The following PTPRU variants were observed in gnomAD, a reference collection of about 807,000 sequenced individuals.
PTPRU encodes the protein protein tyrosine phosphatase receptor type U.
A neutral mutation model predicts 166.3 loss-of-function variants in PTPRU; 69 were observed. That is an observed-to-expected ratio of 0.41 (90% CI 0.34 to 0.51). The LOEUF (loss-of-function observed/expected upper bound fraction) is 0.51, where lower values mean the gene tolerates loss of function less well. Ranked by LOEUF, PTPRU falls within the 20% of genes least tolerant of loss-of-function variation. The probability of loss-of-function intolerance (pLI) is 0.09; values close to 1 mark genes in which losing one functional copy is unlikely to be tolerated. For synonymous variants in PTPRU, 793 were observed against 814.0 expected, an observed-to-expected ratio of 0.97 and a Z score of 0.44; for missense variants, 1,657 against 2,013.7, an observed-to-expected ratio of 0.82 and a Z score of 3.39.
intron 17 of PTPRU, among the ~76,000 whole-genome samples, chr1:29,305,108 T>C (rs1309759933): frequency 6.6e-6 from 1 of 152,168 alleles, no homozygotes; most frequent in Non-Finnish European, 1.5e-5. Flanking sequence ...CTGCTTAAGG[T>C]CTCAGAGCCA....
At chr1:29,245,513 G>C (rs907872141) in intron 1 of PTPRU, among the ~76,000 whole-genome samples, 6 of 152,170 alleles carry the variant, frequency 3.9e-5, no homozygotes, top group African/African-American at 1.4e-4. Flanking sequence ...GATGTGCACT[G>C]TCTGGGATTC....
At chr1:29,261,168 G>T (rs568772181) in intron 7 of PTPRU, among the ~76,000 whole-genome samples, 1 of 152,220 alleles carries the variant, frequency 6.6e-6, no homozygotes, top group South Asian at 2.1e-4. Context: ...TGCTCTTGTC[G>T]TACCCATTTT....
Position 29,279,515 on chromosome 1 carries a change from T to C in PTPRU, c.1623T>C (p.Arg541=). ...DPAVNVPGPR[R]TISKLRNETY... ...CAGTGAACGTGCCAGGCCCACGACG[T>C]ACCATCTCCAAGCTCCGCAATGAGA... Residue 541 remains arginine (R), a synonymous_variant, in exon 10 of 30, where the codon CGT becomes CGC. Transcript: ENST00000373779. The surrounding 1 kb of genome is among the most constrained non-coding windows in gnomAD (Gnocchi z 5.2). 6.2e-7 allele frequency: 1 copy of C among 1,614,150 alleles called. No individual in the cohort carries two copies. The highest frequency in any genetic ancestry group is 1.1e-5 in the South Asian group (1 of 91,086).
Position 29,315,359 on chromosome 1 carries a change from G to GCT in PTPRU, c.3228-5_3228-4dup, listed in dbSNP as rs1557483067. On this transcript the variant is annotated splice_polypyrimidine_tract_variant and intron_variant, in intron 22 of 29. Transcript: ENST00000373779. The surrounding 1 kb of genome is among the most constrained non-coding windows in gnomAD (Gnocchi z 4.5). ...CAAAGCTCTGACCTGGTCTGGGGCTGCTCTCTCTCCAGCGCGGGCACCGGC... is the reference window on the plus strand; with the variant it reads ...CAAAGCTCTGACCTGGTCTGGGGCTGCTCTCTCTCTCCAGCGCGGGCACCGGC... 1.2e-6 allele frequency: 2 copies of GCT among 1,613,800 alleles called. No individual in the cohort carries two copies. The highest frequency in any genetic ancestry group is 3.3e-5 in the Admixed American group (2 of 60,004).
intron 15 of PTPRU, among the ~76,000 whole-genome samples, chr1:29,298,207 G>A (rs548329006): frequency 1.3e-5 from 2 of 150,284 alleles, no homozygotes; most frequent in South Asian, 2.1e-4. Flanking sequence ...GCAGTGAGCC[G>A]AGATCACTCC....
intron 7 of PTPRU, among the ~76,000 whole-genome samples, chr1:29,266,303 GT>G (rs1013491312): frequency 9.9e-5 from 15 of 151,508 alleles, no homozygotes; most frequent in Non-Finnish European, 1.8e-4. Context: ...CTGGCCTCCT[GT>G]TTTTTTTCTA....
At position 29,311,408 on chromosome 1, in the gene PTPRU, G is replaced by A; in HGVS notation, c.2858-48G>A. ...GATGGTGCTGGATGTGCTGACCTGG[G>A]GTGGAGACCTTGTCTCAGGGACAGG... On this transcript the variant is annotated intron_variant, in intron 19 of 29. Transcript: ENST00000373779. The surrounding 1 kb of genome is among the most constrained non-coding windows in gnomAD (Gnocchi z 4.1). The A allele has an allele frequency of 6.3e-7, 1 of 1,582,636 alleles. No homozygotes were observed. Among genetic ancestry groups the A allele is most frequent in the Non-Finnish European group, 8.7e-7 (1 of 1,154,170 alleles).
At chr1:29,293,843 A>G (rs1416672585) in intron 15 of PTPRU, among the ~76,000 whole-genome samples, 3 of 152,138 alleles carry the variant, frequency 2.0e-5, no homozygotes, top group South Asian at 2.1e-4. Flanking sequence ...GCTCATTTTC[A>G]TCCTTTATAA....
chr1:29,293,344 C>T (rs998342452), intron 15 of PTPRU, among the ~76,000 whole-genome samples: 2 of 152,228 alleles, frequency 1.3e-5, no homozygotes, highest in East Asian at 1.9e-4. Context: ...ACGCTGGTCT[C>T]GAACTCCTGA....
chr1:29,325,473 C>G, intron 29 of PTPRU, 126 bp from the exon 30 acceptor site: 1 of 1,504,776 alleles, frequency 6.6e-7, no homozygotes, highest in Non-Finnish European at 9.2e-7. Flanking sequence ...CCCCATTTCT[C>G]CCTTCTCCCC....
chr1:29,299,660 G>T (rs1574689115), intron 15 of PTPRU, among the ~76,000 whole-genome samples: 2 of 152,260 alleles, frequency 1.3e-5, no homozygotes, highest in South Asian at 4.1e-4. Context: ...AGCCTTTCAG[G>T]ATCTCTGGGA....
At chr1:29,242,807 C>G (rs1482397409) in intron 1 of PTPRU, among the ~76,000 whole-genome samples, 1 of 152,118 alleles carries the variant, frequency 6.6e-6, no homozygotes, top group Admixed American at 6.6e-5. Flanking sequence ...AATCCAGGCC[C>G]CTTCTCTGCA....
At chr1:29,256,137 C>T (rs1326222620) in intron 2 of PTPRU, among the ~76,000 whole-genome samples, 2 of 152,146 alleles carry the variant, frequency 1.3e-5, no homozygotes, top group Non-Finnish European at 2.9e-5. Context: ...GACTCCATTT[C>T]AGAGGGTCAT....
At position 29,260,702 on chromosome 1, in the gene PTPRU, G is replaced by C; in HGVS notation, c.943G>C (p.Gly315Arg). The C allele has an allele frequency of 6.3e-7, 1 of 1,589,650 alleles. No individual in the cohort carries two copies. The change falls in exon 7 of 30, where the codon GGG (glycine) becomes CGG (arginine). Residue 315 changes from glycine to arginine, a missense_variant. Around this residue, in one of 3 missense-constraint regions of PTPRU, gnomAD observed 453 missense variants for 496.9 expected, o/e 0.91. Transcript: ENST00000373779. The surrounding 1 kb of genome is among the most constrained non-coding windows in gnomAD (Gnocchi z 8.3). The part of the protein sequence containing the change: ...QLNTNSIIGD[G>R]PIVRKEIEYR... ...CAACACCAACTCCATCATTGGCGACGGGCCGATCGTGCGCAAGGAGATTGA... is the reference window on the plus strand; with the variant it reads ...CAACACCAACTCCATCATTGGCGACCGGCCGATCGTGCGCAAGGAGATTGA...
chr1:29,260,708 A>G lies in PTPRU; in HGVS notation c.949A>G (p.Ile317Val), dbSNP rs769995940. ...CAACTCCATCATTGGCGACGGGCCG[A>G]TCGTGCGCAAGGAGATTGAGTACCG... ...NTNSIIGDGP[I>V]VRKEIEYRMA... The change falls in exon 7 of 30, where the codon ATC becomes GTC. Residue 317 changes from isoleucine to valine, a missense_variant. This residue lies in a region of PTPRU where 453 missense variants were observed against 496.9 expected (regional missense o/e 0.91). Coordinates refer to ENST00000373779, the MANE Select transcript of PTPRU (RefSeq NM_133178.4). This position sits in a 1 kb window ranked among gnomAD's most constrained non-coding sequence, Gnocchi z 8.3. 4 of 1,594,662 alleles carry G rather than the reference A, an allele frequency of 2.5e-6. No individual in the cohort carries two copies. The highest frequency in any genetic ancestry group is 3.4e-6 in the Non-Finnish European group (4 of 1,169,180).
intron 1 of PTPRU, among the ~76,000 whole-genome samples, chr1:29,241,603 TC>T (rs1354118234): frequency 1.5e-4 from 23 of 151,612 alleles, no homozygotes; most frequent in Admixed American, 1.3e-4. Flanking sequence ...TTCTTCTTCT[TC>T]TTTTTTTTGA....
chr1:29,265,661 A>G (rs1685268626), intron 7 of PTPRU, among the ~76,000 whole-genome samples: 2 of 152,044 alleles, frequency 1.3e-5, no homozygotes, highest in East Asian at 3.9e-4. Context: ...CGGCACCTGG[A>G]CAAACATCTT....
intron 7 of PTPRU, among the ~76,000 whole-genome samples, chr1:29,265,645 G>A (rs1400122279): frequency 6.6e-6 from 1 of 152,142 alleles, no homozygotes; most frequent in Non-Finnish European, 1.5e-5. Flanking sequence ...TTACAAACAT[G>A]AGCCACGGCA....
chr1:29,242,555 C>G (rs1450171316), intron 1 of PTPRU, among the ~76,000 whole-genome samples: 1 of 152,214 alleles, frequency 6.6e-6, no homozygotes, highest in African/African-American at 2.4e-5. Flanking sequence ...AATAAAAATT[C>G]AATCCCTCAG....
Sources: gnomAD v4.1 joint callset for allele counts (sites outside exome capture counted in the v4.1 genomes callset) on GRCh38, gnomAD v4.1.1 for gene constraint, gnomAD v4.1.1 regional missense constraint, Gnocchi (gnomAD v3.1) non-coding constraint, MANE v1.5 for transcripts, NCBI Gene and HGNC (gene_info 2026-07-23, HGNC 2026-07-21) for gene names.